BIRC6: variants seen among roughly 807,000 people sequenced by gnomAD.
BIRC6 encodes baculoviral IAP repeat containing 6, also known as dual E2 ubiquitin-conjugating enzyme/E3 ubiquitin-protein ligase BIRC6.
BIRC6 carries 98 observed loss-of-function variants against 503.3 expected under a neutral mutation model. The ratio of observed to expected loss-of-function variants is 0.19; its 90% CI spans 0.17 to 0.23. BIRC6 has a LOEUF of 0.23. Ranked by LOEUF, BIRC6 falls within the 10% of genes least tolerant of loss-of-function variation. The probability of loss-of-function intolerance (pLI) is 1.00; values close to 1 mark genes in which losing one functional copy is unlikely to be tolerated. For missense variants in BIRC6, 5,360 were observed against 5,806.0 expected (o/e 0.92, Z 2.50); for synonymous variants, 2,240 against 2,078.7 (o/e 1.08, Z -2.11).
At chr2:32,516,926 A>G (rs1481016559) in intron 55 of BIRC6, among the ~76,000 whole-genome samples, 1 of 152,196 alleles carries the variant, frequency 6.6e-6, no homozygotes, top group African/African-American at 2.4e-5. Flanking sequence ...ACACTAGTAA[A>G]TAACTTTTCT....
At chr2:32,595,982 A>G (rs191816645) in intron 68 of BIRC6, among the ~76,000 whole-genome samples, 4 of 152,272 alleles carry the variant, frequency 2.6e-5, no homozygotes, top group Admixed American at 2.6e-4. Context: ...AAGTAATAAT[A>G]TTAACTTGGT....
At position 32,482,506 on chromosome 2, in the gene BIRC6, G is replaced by A; in HGVS notation, c.7620G>A (p.Leu2540=). Residue 2540 remains leucine (L), a synonymous_variant, in exon 39 of 74, where the codon CTG becomes CTA. Coordinates refer to ENST00000421745, the MANE Select transcript of BIRC6 (RefSeq NM_016252.4). ...TYNYNPYIGG[L]GIPVAKPPAN... ...ATTACAACCCTTACATTGGAGGTCT[G>A]GGAATTCCTGTAGCAAAGCCACCAG... 1.9e-6 allele frequency: 3 copies of A among 1,613,896 alleles called. No homozygotes were observed. The highest frequency in any genetic ancestry group is 1.1e-5 in the South Asian group (1 of 91,082).
intron 46 of BIRC6, 25 bp downstream of exon 46, chr2:32,500,134 A>T: frequency 6.5e-7 from 1 of 1,545,808 alleles, no homozygotes; most frequent in African/African-American, 1.4e-5. Flanking sequence ...TATTAATCTT[A>T]CCATTGTCTC....
intron 2 of BIRC6, among the ~76,000 whole-genome samples, chr2:32,378,793 CA>C (rs1198121204): frequency 2.0e-5 from 3 of 152,316 alleles, no homozygotes; most frequent in Admixed American, 6.5e-5. Context: ...TCATGTCTTT[CA>C]ATAACTTGAG....
Position 32,395,576 on chromosome 2 carries a change from A to G in BIRC6, c.1017A>G (p.Glu339=). ...FTCSVCLVCW[E]PTDEPWSEHE... is the part of the protein sequence containing the mutation. ...GTAGTGTATGCCTCGTTTGTTGGGA[A>G]CCTACTGATGAACCTTGGTGAGTCT... The change falls in exon 6 of 74, where the codon GAA becomes GAG. Residue 339 remains glutamate, a synonymous_variant. Transcript: ENST00000421745. 1 of 1,611,976 alleles carries G rather than the reference A, an allele frequency of 6.2e-7. No individual in the cohort carries two copies. The highest frequency in any genetic ancestry group is 8.5e-7 in the Non-Finnish European group (1 of 1,178,242).
In BIRC6 at chr2:32,415,548, C is replaced by A. The variant is rs755680504; in HGVS notation, c.2257C>A (p.Pro753Thr). 10 of 1,613,786 alleles carry A rather than the reference C, an allele frequency of 6.2e-6. No individual in the cohort carries two copies. Among genetic ancestry groups the A allele is most frequent in the Non-Finnish European group, 7.6e-6 (9 of 1,179,884 alleles). ...TTTGTTGGTAGGACTGCGGACATGCCCTGTTGAATCCTTGAGTGCAATAAA... is the reference window on the plus strand; with the variant it reads ...TTTGTTGGTAGGACTGCGGACATGCACTGTTGAATCCTTGAGTGCAATAAA... The part of the protein sequence containing the change: ...IHLLVGLRTC[P>T]VESLSAINQV... Residue 753 changes from proline (P) to threonine (T), a missense_variant, in exon 10 of 74, where the codon CCT (proline) becomes ACT (threonine). Transcript: ENST00000421745.
chr2:32,607,319 C>A, intron 71 of BIRC6, 136 bp from the exon 72 acceptor site: 1 of 603,458 alleles, frequency 1.7e-6, no homozygotes, highest in Non-Finnish European at 2.7e-6. Context: ...ATGTTATAAT[C>A]ATAAACATTG....
chr2:32,615,311 C>T (rs1289543993), intron 73 of BIRC6, among the ~76,000 whole-genome samples: 4 of 152,200 alleles, frequency 2.6e-5, no homozygotes, highest in Non-Finnish European at 5.9e-5. Flanking sequence ...ATTTTTCTTT[C>T]TCCTTCCCTG....
chr2:32,604,896 T>G (rs2062332755), intron 71 of BIRC6, among the ~76,000 whole-genome samples: 1 of 51,034 alleles, frequency 2.0e-5, no homozygotes, highest in Non-Finnish European at 4.5e-5. Flanking sequence ...TTTTCTTTTC[T>G]TTTTTTTTTT....
chr2:32,581,493 T>C (rs1289371688), intron 66 of BIRC6, among the ~76,000 whole-genome samples: 1 of 152,214 alleles, frequency 6.6e-6, no homozygotes, highest in East Asian at 1.9e-4. Flanking sequence ...GCCTTTTTTT[T>C]CTACTTAGAA....
chr2:32,563,086 C>G (rs976544358), intron 65 of BIRC6, among the ~76,000 whole-genome samples: 1 of 152,150 alleles, frequency 6.6e-6, no homozygotes, highest in Admixed American at 6.6e-5. Context: ...TCCATAGAAA[C>G]TTAATCATTT....
At chr2:32,433,012 C>A (rs1034308940) in intron 12 of BIRC6, among the ~76,000 whole-genome samples, 2 of 151,980 alleles carry the variant, frequency 1.3e-5, no homozygotes, top group African/African-American at 4.8e-5. Context: ...TCGTTAGATT[C>A]TGGATATAAT....
intron 73 of BIRC6, among the ~76,000 whole-genome samples, chr2:32,616,567 A>G (rs1459762493): frequency 1.0e-5 from 1 of 98,966 alleles, no homozygotes; most frequent in African/African-American, 2.7e-5. Flanking sequence ...TCTCAAAAAA[A>G]AAAAAAAAAA....
At chr2:32,538,888 A>G (rs556125000) in intron 61 of BIRC6, among the ~76,000 whole-genome samples, 7 of 152,330 alleles carry the variant, frequency 4.6e-5, no homozygotes, top group African/African-American at 1.7e-4. Context: ...AGCCTGGGTG[A>G]CAGAGTGAGA....
chr2:32,442,851 A>C (rs1488898672), intron 19 of BIRC6, among the ~76,000 whole-genome samples: 2 of 151,740 alleles, frequency 1.3e-5, no homozygotes, highest in Admixed American at 1.3e-4. Flanking sequence ...TTTTTTCTAA[A>C]CCCTGAAACA....
At chr2:32,468,147 CTT>C in intron 28 of BIRC6, 36 bp downstream of exon 28, 2 of 1,573,820 alleles carry the variant, frequency 1.3e-6, no homozygotes, top group South Asian at 2.3e-5. Context: ...GTTATTGAAA[CTT>C]TGTATTTTAT....
chr2:32,592,261 T>C (rs2061429587), intron 66 of BIRC6, among the ~76,000 whole-genome samples: 2 of 152,338 alleles, frequency 1.3e-5, no homozygotes, highest in African/African-American at 4.8e-5. Flanking sequence ...TGACTTCTTA[T>C]AACTCAGGGA....
chr2:32,403,994 C>G (rs2040895942), intron 8 of BIRC6, among the ~76,000 whole-genome samples: 1 of 148,994 alleles, frequency 6.7e-6, no homozygotes, highest in African/African-American at 2.5e-5. Flanking sequence ...GTGGCGCAAT[C>G]TTGGCTCACA....
chr2:32,598,137 C>A (rs746911516), intron 69 of BIRC6, among the ~76,000 whole-genome samples, 169 bp downstream of exon 69: 1 of 150,758 alleles, frequency 6.6e-6, no homozygotes, highest in African/African-American at 2.4e-5. Context: ...CCCCTCCCCC[C>A]CTTTTTTTTT....
Sources: gnomAD v4.1 joint callset for allele counts (sites outside exome capture counted in the v4.1 genomes callset) on GRCh38, gnomAD v4.1.1 for gene constraint, MANE v1.5 for transcripts, NCBI Gene and HGNC (gene_info 2026-07-23, HGNC 2026-07-21) for gene names.